The following DAB1 variants were observed in gnomAD, a reference collection of about 807,000 sequenced individuals.
The protein encoded by DAB1 is disabled homolog 1.
In DAB1, 15 loss-of-function variants were observed where a neutral mutation model predicts 64.6. That is an observed-to-expected ratio of 0.23 (90% CI 0.16 to 0.36). The LOEUF is 0.36. Among genes scored for constraint, DAB1 ranks in the 10% least tolerant of loss-of-function variants. The probability of loss-of-function intolerance (pLI) is 1.00; values close to 1 mark genes in which losing one functional copy is unlikely to be tolerated. For missense variants in DAB1, 596 were observed against 706.7 expected (o/e 0.84, Z 1.78); for synonymous variants, 235 against 251.9 (o/e 0.93, Z 0.64).
chr1:57,574,439 A>C (rs187258692), intron 7 of DAB1, among the ~76,000 whole-genome samples: 17 of 152,324 alleles, frequency 1.1e-4, no homozygotes, highest in South Asian at 2.1e-4. Flanking sequence ...TGTGCTGTTC[A>C]TATATCATCT....
At chr1:57,342,057 G>A (rs1422672113) in intron 1 of DAB1, among the ~76,000 whole-genome samples, 1 of 152,194 alleles carries the variant, frequency 6.6e-6, no homozygotes, top group Non-Finnish European at 1.5e-5. Context: ...TGCCAATGGA[G>A]GAAATTGAGA....
At chr1:57,944,869 A>G (rs1440825681) in intron 5 of DAB1, among the ~76,000 whole-genome samples, 1 of 152,176 alleles carries the variant, frequency 6.6e-6, no homozygotes, top group East Asian at 1.9e-4. Context: ...TCATGTGATC[A>G]TGCCACCTCA....
At chr1:58,082,329 C>T (rs765313987) in intron 5 of DAB1, among the ~76,000 whole-genome samples, 1 of 151,870 alleles carries the variant, frequency 6.6e-6, no homozygotes, top group Non-Finnish European at 1.5e-5. Flanking sequence ...ATCATCTATA[C>T]CTAGTCTTTA....
In DAB1 at chr1:57,214,910, C is replaced by CAAAAAA. The variant is rs56175448; in HGVS notation, c.68-69487_68-69482dup. 4.2e-3 allele frequency among the ~76,000 whole-genome samples: 248 copies of CAAAAAA among 58,506 alleles called. 5 individuals are homozygous for CAAAAAA. The highest frequency in any genetic ancestry group is 7.0e-3 in the African/African-American group (98 of 13,980). 38.4% of individuals were successfully genotyped at this position (58,506 alleles called of 152,430 possible). On this transcript the variant is annotated intron_variant, in intron 2 of 14. Coordinates refer to ENST00000371236, the MANE Select transcript of DAB1 (RefSeq NM_001365792.1). ...TGGGCGACAGAGCAAGATTCCCTCT[C>CAAAAAA]AAAAAAAAAAAAAAAAAAAAGAAAG... is the stretch of plus-strand genomic sequence containing the variant.
chr1:58,534,108 T>G (rs1191526156), intron 1 of DAB1: 1 of 866,836 alleles, frequency 1.2e-6, no homozygotes, highest in East Asian at 2.4e-5. Context: ...TCATAAAAAA[T>G]AAGGACAATA....
chr1:57,604,318 G>A (rs1055925473), intron 7 of DAB1, among the ~76,000 whole-genome samples: 2 of 152,050 alleles, frequency 1.3e-5, no homozygotes, highest in Non-Finnish European at 2.9e-5. Flanking sequence ...TTTACTCCAT[G>A]AGATTATGTA....
chr1:57,468,583 T>C (rs1313010790), intron 7 of DAB1, among the ~76,000 whole-genome samples: 1 of 152,110 alleles, frequency 6.6e-6, no homozygotes, highest in Non-Finnish European at 1.5e-5. Flanking sequence ...CAGACAGGGT[T>C]GGTATGGCAG....
chr1:58,139,461 G>A (rs1008470071), intron 5 of DAB1, among the ~76,000 whole-genome samples: 2 of 152,146 alleles, frequency 1.3e-5, no homozygotes, highest in Admixed American at 6.5e-5. Flanking sequence ...CATTAGCAAG[G>A]AGAAGTGCCA....
chr1:57,181,320 GA>G (rs1379606877), intron 2 of DAB1, among the ~76,000 whole-genome samples: 1 of 152,210 alleles, frequency 6.6e-6, no homozygotes, highest in African/African-American at 2.4e-5. Flanking sequence ...ACGGTCCTAA[GA>G]GTTGCCTTCA....
At chr1:57,353,031 A>C (rs1210076225) in intron 1 of DAB1, among the ~76,000 whole-genome samples, 4 of 151,694 alleles carry the variant, frequency 2.6e-5, no homozygotes, top group Admixed American at 2.6e-4. Context: ...GACTTGCCAG[A>C]CTCTGTAATC....
chr1:57,087,986 T>C (rs1301058592), intron 4 of DAB1, among the ~76,000 whole-genome samples: 1 of 152,204 alleles, frequency 6.6e-6, no homozygotes, highest in Non-Finnish European at 1.5e-5. Flanking sequence ...CAAGCTCTAC[T>C]TGGCTCCTCT....
chr1:58,297,559 C>T (rs1275456870), intron 4 of DAB1, among the ~76,000 whole-genome samples: 4 of 152,078 alleles, frequency 2.6e-5, no homozygotes, highest in Admixed American at 1.3e-4. Flanking sequence ...TCCACTTCTC[C>T]GCAGGTTCAG....
At chr1:58,215,495 T>A (rs1658805100) in intron 4 of DAB1, among the ~76,000 whole-genome samples, 1 of 152,152 alleles carries the variant, frequency 6.6e-6, no homozygotes, top group Admixed American at 6.5e-5. Flanking sequence ...CATTAGATTG[T>A]TAGCCTCCTA....
intron 3 of DAB1, among the ~76,000 whole-genome samples, chr1:58,443,115 CCT>C (rs1402767566): frequency 6.6e-6 from 1 of 152,168 alleles, no homozygotes; most frequent in Non-Finnish European, 1.5e-5. Flanking sequence ...GCATCCAGCC[CCT>C]GCCACTTCCT....
At chr1:57,545,581 G>T (rs1055274383) in intron 7 of DAB1, among the ~76,000 whole-genome samples, 1 of 152,176 alleles carries the variant, frequency 6.6e-6, no homozygotes, top group African/African-American at 2.4e-5. Flanking sequence ...GGGTGACCCA[G>T]CCTGTCACAC....
rs187782530 is a variant in DAB1 at position 57,344,161 on chromosome 1, C to A, written c.-136-52995G>T. 1.6e-3 allele frequency among the ~76,000 whole-genome samples: 249 copies of A among 152,332 alleles called. 1 individual carries two copies. Among genetic ancestry groups the A allele is most frequent in the Admixed American group, 0.012 (190 of 15,304 alleles). Reference sequence around the variant, plus strand: ...CCCACATAACCAGTAAATGGCAGAACCAAGTTACAAACCCAAGATGATCAG... The same window carrying A: ...CCCACATAACCAGTAAATGGCAGAAACAAGTTACAAACCCAAGATGATCAG... On this transcript the variant is annotated intron_variant, in intron 1 of 14. Transcript: ENST00000371236.
intron 7 of DAB1, among the ~76,000 whole-genome samples, chr1:57,499,436 T>G (rs1644265316): frequency 6.6e-6 from 1 of 152,142 alleles, no homozygotes; most frequent in African/African-American, 2.4e-5. Flanking sequence ...ATTAGATATA[T>G]TTATCGCACA....
intron 14 of DAB1, among the ~76,000 whole-genome samples, chr1:57,010,062 A>G (rs1488946146): frequency 6.6e-6 from 1 of 152,176 alleles, no homozygotes; most frequent in Non-Finnish European, 1.5e-5. Context: ...CTCTGATCTT[A>G]CATCTCGATC....
At chr1:57,390,100 A>G (rs1246386160) in intron 1 of DAB1, among the ~76,000 whole-genome samples, 2 of 152,236 alleles carry the variant, frequency 1.3e-5, no homozygotes, top group African/African-American at 4.8e-5. Context: ...AACTTTCTTC[A>G]ACAAGTCTTC....
Sources: gnomAD v4.1 joint callset for allele counts (sites outside exome capture counted in the v4.1 genomes callset) on GRCh38, gnomAD v4.1.1 for gene constraint, MANE v1.5 for transcripts, NCBI Gene and HGNC (gene_info 2026-07-23, HGNC 2026-07-21) for gene names.